The following MBOAT1 variants were observed in gnomAD, a reference collection of about 807,000 sequenced individuals.
MBOAT1 encodes the protein membrane-bound glycerophospholipid O-acyltransferase 1.
A neutral mutation model predicts 64.4 loss-of-function variants in MBOAT1; 67 were observed. That is an observed-to-expected ratio of 1.04 (90% confidence interval 0.85 to 1.27). The LOEUF is 1.27. Ranked by LOEUF, MBOAT1 falls within the 50% of genes most tolerant of loss-of-function variation. The probability of loss-of-function intolerance (pLI) is 0.00; values close to 1 mark genes in which losing one functional copy is unlikely to be tolerated. For missense variants in MBOAT1, 563 were observed against 604.6 expected (o/e 0.93, Z 0.72); for synonymous variants, 229 against 218.9 (o/e 1.05, Z -0.41).
intron 7 of MBOAT1, among the ~76,000 whole-genome samples, chr6:20,126,090 G>A (rs907032280): frequency 6.6e-6 from 1 of 152,236 alleles, no homozygotes; most frequent in East Asian, 1.9e-4. Flanking sequence ...AGGTAAAACT[G>A]GTTTCCCTTG....
intron 1 of MBOAT1, among the ~76,000 whole-genome samples, chr6:20,197,884 C>A (rs1214042163): frequency 6.6e-6 from 1 of 151,848 alleles, no homozygotes; most frequent in African/African-American, 2.4e-5. Context: ...GCTATCTCTA[C>A]AACTTTTCTT....
chr6:20,163,460 CT>C (rs916091383), intron 1 of MBOAT1, among the ~76,000 whole-genome samples: 1 of 152,128 alleles, frequency 6.6e-6, no homozygotes, highest in African/African-American at 2.4e-5. Context: ...TGTATAATTC[CT>C]TTTATCTTGA....
At chr6:20,136,077 C>T (rs1760982308) in intron 4 of MBOAT1, among the ~76,000 whole-genome samples, 1 of 152,158 alleles carries the variant, frequency 6.6e-6, no homozygotes, top group African/African-American at 2.4e-5. Context: ...GAGGATATTA[C>T]AGCTTCAGTG....
chr6:20,196,529 T>C (rs1258784605), intron 1 of MBOAT1, among the ~76,000 whole-genome samples: 2 of 152,094 alleles, frequency 1.3e-5, no homozygotes, highest in African/African-American at 4.8e-5. Context: ...TGTTCTAAAA[T>C]TCAATACCAT....
chr6:20,129,275 C>T lies in MBOAT1; in HGVS notation c.476-522G>A, dbSNP rs539744156. Among the ~76,000 whole-genome samples the T allele has an allele frequency of 2.0e-5, 3 of 152,274 alleles. 1 individual carries two copies. The South Asian group carries it at 6.2e-4, about 32-fold the overall frequency. The stretch of plus-strand genomic sequence containing the variant: ...AAAAATAAAATGGGGGAAATGTAAT[C>T]TTAATTGTGGGAAAATTACAAAGAA... On this transcript the variant is annotated intron_variant, in intron 5 of 12. Coordinates refer to ENST00000324607, the MANE Select transcript of MBOAT1 (RefSeq NM_001080480.3).
intron 1 of MBOAT1, among the ~76,000 whole-genome samples, chr6:20,205,856 G>A (rs563922167): frequency 2.6e-5 from 4 of 152,274 alleles, no homozygotes; most frequent in East Asian, 1.9e-4. Flanking sequence ...AAAGCTCAGA[G>A]TCAGTCACTG....
At chr6:20,131,271 A>C in intron 4 of MBOAT1, 72 bp from the exon 5 acceptor site, 5 of 1,310,846 alleles carry the variant, frequency 3.8e-6, no homozygotes, top group Non-Finnish European at 5.5e-6. Flanking sequence ...GCCCCCACCC[A>C]AATCTCATCT....
chr6:20,132,600 C>T (rs1473334806), intron 4 of MBOAT1, among the ~76,000 whole-genome samples: 1 of 152,152 alleles, frequency 6.6e-6, no homozygotes, highest in East Asian at 1.9e-4. Context: ...AGACCTAGAT[C>T]TAAGAGCTAA....
chr6:20,159,651 C>T (rs1285727018), intron 1 of MBOAT1, among the ~76,000 whole-genome samples: 2 of 152,130 alleles, frequency 1.3e-5, no homozygotes, highest in African/African-American at 4.8e-5. Flanking sequence ...AAAGGGGAGA[C>T]ATTGATCAAT....
intron 1 of MBOAT1, among the ~76,000 whole-genome samples, chr6:20,177,727 T>G (rs939694739): frequency 6.9e-6 from 1 of 144,902 alleles, no homozygotes; most frequent in Non-Finnish European, 1.5e-5. Flanking sequence ...TGAGCCGAGA[T>G]CGTGCCACTG....
chr6:20,109,650 T>C lies in MBOAT1; in HGVS notation c.1309A>G (p.Thr437Ala). 6.2e-7 allele frequency: 1 copy of C among 1,614,136 alleles called. No homozygotes were observed. The highest frequency in any genetic ancestry group is 8.5e-7 in the Non-Finnish European group (1 of 1,180,010). The change falls in exon 12 of 13, where the codon ACG becomes GCG. Residue 437 changes from threonine to alanine, a missense_variant. Transcript: ENST00000324607. ...GCCAACATCACAAAGGGTGCTACCG[T>C]GTAAGAGACAGCCAGCTGAGTGACG... ...WAVTQLAVSY[T>A]VAPFVMLAVE...
chr6:20,208,312 G>A (rs910758709), intron 1 of MBOAT1, among the ~76,000 whole-genome samples: 5 of 151,906 alleles, frequency 3.3e-5, no homozygotes, highest in Non-Finnish European at 5.9e-5. Context: ...CGGGTATGGT[G>A]GCGCGCTCCA....
At chr6:20,111,618 A>G in intron 11 of MBOAT1, among the ~76,000 whole-genome samples, 1 of 151,810 alleles carries the variant, frequency 6.6e-6, no homozygotes, top group Non-Finnish European at 1.5e-5. Context: ...ATGTTAGCAA[A>G]CAGAATTCTA....
At chr6:20,205,365 C>T (rs969214269) in intron 1 of MBOAT1, among the ~76,000 whole-genome samples, 3 of 152,200 alleles carry the variant, frequency 2.0e-5, no homozygotes, top group Non-Finnish European at 4.4e-5. Context: ...TGTCAGTGTC[C>T]TTAAGCCAGA....
intron 1 of MBOAT1, among the ~76,000 whole-genome samples, chr6:20,165,482 C>T (rs1201181277): frequency 1.3e-5 from 2 of 152,162 alleles, no homozygotes; most frequent in Non-Finnish European, 1.5e-5. Flanking sequence ...ATGGCTCACA[C>T]CTGTAATCCT....
At chr6:20,168,661 G>GA (rs1762099967) in intron 1 of MBOAT1, among the ~76,000 whole-genome samples, 1 of 135,090 alleles carries the variant, frequency 7.4e-6, no homozygotes, top group African/African-American at 2.8e-5. Context: ...GAGAGGGAAA[G>GA]AGAGAAAGAG....
At chr6:20,143,566 G>A (rs1751648976) in intron 4 of MBOAT1, among the ~76,000 whole-genome samples, 1 of 152,154 alleles carries the variant, frequency 6.6e-6, no homozygotes, top group Admixed American at 6.5e-5. Context: ...TAAATGATGA[G>A]ACTACGTGGA....
intron 1 of MBOAT1, among the ~76,000 whole-genome samples, chr6:20,166,866 C>A (rs911097406): frequency 2.0e-5 from 3 of 151,602 alleles, no homozygotes; most frequent in Non-Finnish European, 2.9e-5. Flanking sequence ...TTAAGCCGAG[C>A]AGATCAAGGC....
At chr6:20,111,885 T>TACATATATATACATATATATAC (rs1554115587) in intron 11 of MBOAT1, among the ~76,000 whole-genome samples, 1 of 140,998 alleles carries the variant, frequency 7.1e-6, no homozygotes, top group Non-Finnish European at 1.5e-5. Context: ...TATATGTATA[T>TACATATATATACATATATATAC]ATATATATTC....
Sources: gnomAD v4.1 joint callset for allele counts (sites outside exome capture counted in the v4.1 genomes callset) on GRCh38, gnomAD v4.1.1 for gene constraint, MANE v1.5 for transcripts, NCBI Gene and HGNC (gene_info 2026-07-23, HGNC 2026-07-21) for gene names.